PDILT: variants seen among roughly 807,000 people sequenced by gnomAD.
PDILT encodes protein disulfide-isomerase-like protein of the testis.
In PDILT, 43 loss-of-function variants were observed where a neutral mutation model predicts 53.7. The ratio of observed to expected loss-of-function variants is 0.80; its 90% confidence interval spans 0.63 to 1.03. PDILT has a LOEUF of 1.03. Among genes scored for constraint, PDILT ranks in the 50% least tolerant of loss-of-function variants. PDILT has a pLI of 0.00. For synonymous variants in PDILT, 282 were observed against 274.2 expected (o/e 1.03, Z -0.28); for missense variants, 727 against 712.3 (o/e 1.02, Z -0.24).
intron 2 of PDILT, 122 bp downstream of exon 2, chr16:20,398,977 T>TA (rs1966695159): frequency 5.7e-6 from 6 of 1,049,242 alleles, no homozygotes; most frequent in Non-Finnish European, 8.4e-6. Flanking sequence ...ATATTAAATG[T>TA]CTGTTTTAAA....
chr16:20,373,152 A>T (rs1966332266), intron 5 of PDILT, 30 bp from the exon 6 acceptor site: 1 of 1,568,076 alleles, frequency 6.4e-7, no homozygotes, highest in Non-Finnish European at 8.8e-7. Context: ...ATATTGGAGG[A>T]CAGTAGCTTT....
intron 2 of PDILT, among the ~76,000 whole-genome samples, chr16:20,392,970 G>T (rs1481718614): frequency 1.3e-5 from 2 of 152,156 alleles, no homozygotes; most frequent in Non-Finnish European, 2.9e-5. Flanking sequence ...TTTTGGAAGG[G>T]GAATGTGTTG....
In PDILT at chr16:20,376,076, A is replaced by C; in HGVS notation, c.535T>G (p.Phe179Val). The change falls in exon 4 of 12, where the codon TTC (phenylalanine) becomes GTC (valine). Residue 179 changes from phenylalanine (F) to valine (V), a missense_variant. Phe to Val is a conservative substitution (Grantham distance 50). Transcript: ENST00000302451. The stretch of plus-strand genomic sequence containing the variant: ...CCTCTTGGTCCCAGTACCTGGAAGA[A>C]GCCAACGATGACCAAGGGCCTGGAT... ...VISRPLVIVG[F>V]FQDLEEEVAE... The C allele has an allele frequency of 6.2e-7, 1 of 1,614,148 alleles. No homozygotes were observed. Among genetic ancestry groups the C allele is most frequent in the Middle Eastern group, 1.6e-4 (1 of 6,062 alleles).
rs2141617139 is a variant in PDILT at position 20,391,572 on chromosome 16, A to T, written c.203-6721T>A. Among the ~76,000 whole-genome samples the T allele has an allele frequency of 1.3e-5, 2 of 152,182 alleles. 1 individual carries two copies. Among genetic ancestry groups the T allele is most frequent in the East Asian group, 3.9e-4 (2 of 5,132 alleles). ...CCTTGATTCATTCAAGTTAATGTGG[A>T]TGGAGAAAATTATGGGCCAAAGGAA... On this transcript the variant is annotated intron_variant, in intron 2 of 11. Transcript: ENST00000302451.
chr16:20,389,916 C>G lies in PDILT; in HGVS notation c.203-5065G>C, dbSNP rs182678497. 1.3e-3 allele frequency among the ~76,000 whole-genome samples: 202 copies of G among 152,158 alleles called. 1 individual carries two copies. The highest frequency in any genetic ancestry group is 0.013 in the East Asian group (66 of 5,170). On this transcript the variant is annotated intron_variant, in intron 2 of 11. Coordinates refer to ENST00000302451, the MANE Select transcript of PDILT (RefSeq NM_174924.2). ...AAGGTCTGGAGGCATTTTTGGTTGT[C>G]ACAGTTGGAAAAAGAGATGCTACTG...
intron 10 of PDILT, 82 bp from the exon 11 acceptor site, chr16:20,360,739 G>A: frequency 9.7e-7 from 1 of 1,033,978 alleles, no homozygotes; most frequent in Non-Finnish European, 1.5e-6. Context: ...GTAAACCCAG[G>A]GTCAAATTCC....
chr16:20,384,008 T>C (rs1966496288), intron 3 of PDILT, among the ~76,000 whole-genome samples: 1 of 152,178 alleles, frequency 6.6e-6, no homozygotes, highest in Admixed American at 6.5e-5. Context: ...GAATGAAAAA[T>C]ATGATAGAAC....
At chr16:20,363,846 G>A (rs9921327) in intron 9 of PDILT, among the ~76,000 whole-genome samples, 85,344 of 151,904 alleles carry the variant, frequency 0.56, 24,900 homozygotes, top group Middle Eastern at 0.62. Flanking sequence ...TGGTCTTTGA[G>A]TGTGGTCCAG....
At position 20,384,794 on chromosome 16, in the gene PDILT, T is replaced by G. The variant is rs534001534; in HGVS notation, c.260A>C (p.Glu87Ala). ...NLAEELGKAVEIMGKGKNGIG... is the reference protein window; with the variant it reads ...NLAEELGKAVAIMGKGKNGIG... Reference sequence around the variant, plus strand: ...CCCATTCTTGCCTTTGCCCATGATCTCCACAGCTTTGCCCAGCTCTTCCGC... The same window carrying G: ...CCCATTCTTGCCTTTGCCCATGATCGCCACAGCTTTGCCCAGCTCTTCCGC... The change falls in exon 3 of 12, where the codon GAG (glutamate) becomes GCG (alanine). Residue 87 changes from glutamate to alanine, a missense_variant. Transcript: ENST00000302451. 370 of 1,614,184 alleles carry G rather than the reference T, an allele frequency of 2.3e-4. 3 individuals carry two copies. In the South Asian group the frequency reaches 2.6e-3, roughly 11 times the overall value.
intron 2 of PDILT, among the ~76,000 whole-genome samples, chr16:20,393,568 C>A (rs1203500083): frequency 6.6e-6 from 1 of 152,168 alleles, no homozygotes; most frequent in Non-Finnish European, 1.5e-5. Context: ...GCAGGGGAGG[C>A]ACCAGGACTC....
In PDILT at chr16:20,399,318, C is replaced by G. The variant is rs188022746; in HGVS notation, c.-7-11G>C. The G allele has an allele frequency of 1.1e-5, 17 of 1,612,706 alleles. No homozygotes were observed. In the African/African-American group the frequency reaches 1.7e-4, roughly 16 times the overall value. On this transcript the variant is annotated splice_polypyrimidine_tract_variant and intron_variant, in intron 1 of 11. Transcript: ENST00000302451. Reference sequence around the variant, plus strand: ...AGGTCCATGGCTGTCCTGCAGGGGCCGGAGAAGGAACAGAGACCTTATCAA... The same window carrying G: ...AGGTCCATGGCTGTCCTGCAGGGGCGGGAGAAGGAACAGAGACCTTATCAA...
Position 20,359,214 on chromosome 16 carries a change from C to T in PDILT, c.*105G>A. The T allele has an allele frequency of 2.0e-6, 3 of 1,523,826 alleles. No individual in the cohort carries two copies. Among genetic ancestry groups the T allele is most frequent in the Non-Finnish European group, 2.6e-6 (3 of 1,138,068 alleles). The allele number at this position is 1,523,826 out of a possible 1,614,324, so 94.4% of individuals were successfully genotyped here. Reference sequence around the variant, plus strand: ...TTATTATCCACCCCTACCCCCGCCCCACCTACCCTACCACAATGATATATG... The same window carrying T: ...TTATTATCCACCCCTACCCCCGCCCTACCTACCCTACCACAATGATATATG... On this transcript the variant is annotated 3_prime_UTR_variant, in exon 12 of 12. Coordinates refer to ENST00000302451, the MANE Select transcript of PDILT (RefSeq NM_174924.2).
intron 1 of PDILT, among the ~76,000 whole-genome samples, chr16:20,402,049 G>A (rs529339706): frequency 6.6e-6 from 1 of 152,342 alleles, no homozygotes; most frequent in East Asian, 1.9e-4. Context: ...CACGGAGCCA[G>A]CCACAGCTCC....
rs372729819 is a variant in PDILT, at chr16:20,372,787, G to A, written c.918+15C>T. The A allele has an allele frequency of 1.2e-6, 2 of 1,613,144 alleles. No individual in the cohort carries two copies. Among genetic ancestry groups the A allele is most frequent in the Non-Finnish European group, 1.7e-6 (2 of 1,179,258 alleles). ...CATCCAGGAGTCCCAGAGAGCAATGGTGCACTCTACAAACCTTGTTTTGGA... is the reference window on the plus strand; with the variant it reads ...CATCCAGGAGTCCCAGAGAGCAATGATGCACTCTACAAACCTTGTTTTGGA... On this transcript the variant is annotated intron_variant, in intron 7 of 11. Transcript: ENST00000302451.
chr16:20,373,845 A>T lies in PDILT; in HGVS notation c.682-723T>A, dbSNP rs1048234029. Among the ~76,000 whole-genome samples the T allele has an allele frequency of 1.2e-4, 18 of 152,008 alleles. 2 individuals are homozygous for T. Among genetic ancestry groups the T allele is most frequent in the Admixed American group, 1.0e-3 (16 of 15,262 alleles). ...GCTTTGCTGGAGTCTGTCTGAGCCTACTCTGGCTTGGGAGGCTGCCTGATT... is the reference window on the plus strand; with the variant it reads ...GCTTTGCTGGAGTCTGTCTGAGCCTTCTCTGGCTTGGGAGGCTGCCTGATT... On this transcript the variant is annotated intron_variant, in intron 5 of 11. Transcript: ENST00000302451.
chr16:20,359,577 C>A lies in PDILT; in HGVS notation c.1507-10G>T, dbSNP rs1034011356. Reference sequence around the variant, plus strand: ...GCTCAACAGACAACAGCTATGAAAGCAAAGGTGGAAGGAAGAAGGGAGGGA... The same window carrying A: ...GCTCAACAGACAACAGCTATGAAAGAAAAGGTGGAAGGAAGAAGGGAGGGA... On this transcript the variant is annotated splice_polypyrimidine_tract_variant and intron_variant, in intron 11 of 11. Coordinates refer to ENST00000302451, the MANE Select transcript of PDILT (RefSeq NM_174924.2). 41 of 1,610,194 alleles carry A rather than the reference C, an allele frequency of 2.5e-5. No individual in the cohort carries two copies. The highest frequency in any genetic ancestry group is 3.3e-5 in the Non-Finnish European group (39 of 1,177,114).
intron 11 of PDILT, 76 bp from the exon 12 acceptor site, chr16:20,359,643 T>C: frequency 7.0e-7 from 1 of 1,418,772 alleles, no homozygotes. Context: ...AAGAAATATG[T>C]CATCATTGTG....
At chr16:20,377,479 T>C (rs1471621009) in intron 3 of PDILT, among the ~76,000 whole-genome samples, 2 of 152,156 alleles carry the variant, frequency 1.3e-5, no homozygotes, top group African/African-American at 4.8e-5. Context: ...ATTACCACCA[T>C]TTCACAGCTC....
chr16:20,404,492 A>C lies in PDILT; in HGVS notation c.-8+4T>G, dbSNP rs1216740280. The C allele has an allele frequency of 1.3e-5, 2 of 152,240 alleles. No individual in the cohort carries two copies. Among genetic ancestry groups the C allele is most frequent in the African/African-American group, 4.8e-5 (2 of 41,432 alleles). The allele number at this position is 152,240 out of a possible 1,614,324, so 9.4% of individuals were successfully genotyped here. A position where few individuals can be genotyped will look rare whatever the true frequency, so the allele number is the denominator to read the frequency against. On this transcript the variant is annotated splice_donor_region_variant and intron_variant, in intron 1 of 11. Coordinates refer to ENST00000302451, the MANE Select transcript of PDILT (RefSeq NM_174924.2). ...AGATTTCCCATTTTCACTGAAGCTC[A>C]TACCTGCAGGAAGCCAAGGCCACTC...
Sources: gnomAD v4.1 joint callset for allele counts (sites outside exome capture counted in the v4.1 genomes callset) on GRCh38, gnomAD v4.1.1 for gene constraint, MANE v1.5 for transcripts, NCBI Gene and HGNC (gene_info 2026-07-23, HGNC 2026-07-21) for gene names.